The following ERAP1 variants were observed in gnomAD, a reference collection of about 807,000 sequenced individuals.
ERAP1 encodes endoplasmic reticulum aminopeptidase 1, also known as adipocyte-derived leucine aminopeptidase.
Under a neutral mutation model 103.7 loss-of-function variants are expected in ERAP1, and 86 were observed. The observed-to-expected ratio is 0.83, with a 90% CI of 0.70 to 0.99. ERAP1 has a LOEUF of 0.99. ERAP1 is among the 50% of genes least tolerant of loss of function. ERAP1 has a pLI of 0.00. For missense variants in ERAP1, 1,009 were observed against 1,128.4 expected, an observed-to-expected ratio of 0.89 and a Z score of 1.52; for synonymous variants, 398 against 402.4, an observed-to-expected ratio of 0.99 and a Z score of 0.13.
the ERAP1 span, among the ~76,000 whole-genome samples, chr5:96,839,625 C>T: frequency 3.5e-4 from 53 of 152,298 alleles, no homozygotes; most frequent in Admixed American, 3.0e-3. Context: ...GTCCACAGGG[C>T]CCCGCATGAT....
chr5:96,882,273 A>G, the ERAP1 span, among the ~76,000 whole-genome samples: 1 of 152,220 alleles, frequency 6.6e-6, no homozygotes, highest in Non-Finnish European at 1.5e-5. Context: ...CATCCAAAGG[A>G]CATATATCTT....
the ERAP1 span, among the ~76,000 whole-genome samples, chr5:96,838,007 C>T: frequency 6.6e-6 from 1 of 151,620 alleles, no homozygotes. Flanking sequence ...TTCTCCTCTT[C>T]TTCTCTCTCT....
chr5:96,782,410 T>G (rs966287003), intron 15 of ERAP1, among the ~76,000 whole-genome samples: 2 of 152,196 alleles, frequency 1.3e-5, no homozygotes, highest in African/African-American at 4.8e-5. Flanking sequence ...AATACCTACA[T>G]ATTTAAATAC....
the ERAP1 span, chr5:96,896,598 C>A: frequency 2.7e-6 from 4 of 1,474,522 alleles, no homozygotes; most frequent in South Asian, 3.9e-5. Flanking sequence ...CCAGTTCCTG[C>A]TACTTGTTTC....
At chr5:96,870,153 G>A in the ERAP1 span, among the ~76,000 whole-genome samples, 1 of 152,172 alleles carries the variant, frequency 6.6e-6, no homozygotes, top group Non-Finnish European at 1.5e-5. Flanking sequence ...TCTGAGAGCT[G>A]CTGAGAGTAA....
At chr5:96,804,543 A>G (rs1778349545) in intron 1 of ERAP1, 1 of 156,366 alleles carries the variant, frequency 6.4e-6, no homozygotes, top group Admixed American at 6.1e-5. Context: ...TGTCATGCCA[A>G]AAGTTAATTA....
chr5:96,913,578 C>G, the ERAP1 span: 1 of 1,187,150 alleles, frequency 8.4e-7, no homozygotes, highest in South Asian at 1.4e-5. Context: ...CCAAATAGTT[C>G]AGTGGAGTCA....
rs1773940239 is a variant in ERAP1 at position 96,775,146 on chromosome 5, C to T, written c.*1250G>A. ...ATCTAATTCTTAGGGTATTAACTGA[C>T]TTGACTTGAACTCCGTTGGTTTACC... On this transcript the variant is annotated 3_prime_UTR_variant, in exon 19 of 19. Transcript: ENST00000443439. The T allele has an allele frequency of 3.0e-6, 3 of 985,458 alleles. No individual in the cohort carries two copies. The highest frequency in any genetic ancestry group is 9.4e-5 in the South Asian group (2 of 21,286). 61.0% of individuals were successfully genotyped at this position (985,458 alleles called of 1,614,324 possible). A position where few individuals can be genotyped will look rare whatever the true frequency, so the allele number is the denominator to read the frequency against.
the ERAP1 span, chr5:96,896,965 T>TAAGTCATATGTTGGGTGACGATAGACTG: frequency 1.0e-6 from 1 of 987,684 alleles, no homozygotes; most frequent in Middle Eastern, 3.8e-4. Context: ...GTCAACCATA[T>TAAGTCATATGTTGGGTGACGATAGACTG]TTATTCTGCT....
intron 19 of ERAP1, chr5:96,767,415 C>T (rs758496152): frequency 4.4e-6 from 7 of 1,602,288 alleles, no homozygotes; most frequent in Middle Eastern, 3.3e-4. Context: ...TATGCTTAAC[C>T]AATAGTCTGC....
At chr5:96,897,281 T>C in the ERAP1 span, among the ~76,000 whole-genome samples, 1 of 152,230 alleles carries the variant, frequency 6.6e-6, no homozygotes, top group Non-Finnish European at 1.5e-5. Context: ...GCTCAATCTC[T>C]AGATCATTGT....
At chr5:96,924,956 A>C in the ERAP1 span, among the ~76,000 whole-genome samples, 1 of 152,112 alleles carries the variant, frequency 6.6e-6, no homozygotes, top group Non-Finnish European at 1.5e-5. Context: ...AAAGGCTGTG[A>C]TTGCTTTTTA....
At chr5:96,911,878 AAAAG>A in the ERAP1 span, among the ~76,000 whole-genome samples, 1,184 of 128,284 alleles carry the variant, frequency 9.2e-3, 6 homozygotes, top group Middle Eastern at 0.035. Context: ...AAAAAAAAAA[AAAAG>A]AAAGAAAGAA....
chr5:96,777,160 C>G (rs960693506), intron 18 of ERAP1, among the ~76,000 whole-genome samples: 1 of 152,162 alleles, frequency 6.6e-6, no homozygotes, highest in Non-Finnish European at 1.5e-5. Context: ...TCTTGGCTAC[C>G]TCCTGAAAAA....
chr5:96,874,781 G>A, the ERAP1 span, among the ~76,000 whole-genome samples: 1 of 152,232 alleles, frequency 6.6e-6, no homozygotes, highest in Non-Finnish European at 1.5e-5. Flanking sequence ...ATGGCAACAT[G>A]TGCTATTGGG....
intron 19 of ERAP1, chr5:96,766,111 C>T: frequency 6.2e-7 from 1 of 1,610,870 alleles, no homozygotes; most frequent in East Asian, 2.2e-5. Context: ...ACTATCCCAC[C>T]TGAATACAGA....
At chr5:96,909,618 G>C in the ERAP1 span, 6 of 1,614,148 alleles carry the variant, frequency 3.7e-6, no homozygotes, top group Non-Finnish European at 5.1e-6. Context: ...TGATTGACAG[G>C]CAAAGCTGGA....
chr5:96,804,218 AG>A (rs1778304993), intron 1 of ERAP1: 35 of 449,350 alleles, frequency 7.8e-5, no homozygotes, highest in South Asian at 7.4e-4. Flanking sequence ...CTTGGTTGAA[AG>A]CAACCGAACA....
the ERAP1 span, among the ~76,000 whole-genome samples, chr5:96,879,051 C>T: frequency 1.3e-5 from 2 of 151,892 alleles, no homozygotes; most frequent in Admixed American, 6.6e-5. Flanking sequence ...ACAGGGAGAC[C>T]CCCATCTCTA....
Sources: allele counts gnomAD v4.1 joint callset (sites outside exome capture counted in the v4.1 genomes callset), GRCh38; gene constraint gnomAD v4.1.1; transcripts MANE v1.5; gene names NCBI Gene and HGNC (gene_info 2026-07-23, HGNC 2026-07-21).